The following ASH1L variants were observed in gnomAD, a reference collection of about 807,000 sequenced individuals.
The protein encoded by ASH1L is histone-lysine N-methyltransferase ASH1L.
ASH1L carries 23 observed loss-of-function variants against 269.0 expected under a neutral mutation model. The observed-to-expected ratio is 0.09, with a 90% confidence interval of 0.06 to 0.12. ASH1L has a LOEUF of 0.12. Ranked by LOEUF, ASH1L falls within the 10% of genes least tolerant of loss-of-function variation. The pLI, the probability that ASH1L is intolerant of heterozygous loss-of-function variation, is 1.00. For missense variants in ASH1L, 2,912 were observed against 3,567.8 expected, an observed-to-expected ratio of 0.82 and a Z score of 4.68; for synonymous variants, 1,187 against 1,253.5, an observed-to-expected ratio of 0.95 and a Z score of 1.12.
chr1:155,527,077 G>A (rs551432112), intron 1 of ASH1L, among the ~76,000 whole-genome samples: 73 of 152,084 alleles, frequency 4.8e-4, no homozygotes, highest in African/African-American at 1.6e-3. Flanking sequence ...GTGTGGTGGC[G>A]CATGCCTGTA....
intron 2 of ASH1L, among the ~76,000 whole-genome samples, chr1:155,515,347 A>G (rs1414090656): frequency 6.6e-6 from 1 of 152,208 alleles, no homozygotes; most frequent in Non-Finnish European, 1.5e-5. Context: ...AATTTTTTGC[A>G]GGGAAACAGC....
chr1:155,556,797 C>T (rs1671626121), intron 1 of ASH1L, among the ~76,000 whole-genome samples: 1 of 152,090 alleles, frequency 6.6e-6, no homozygotes, highest in African/African-American at 2.4e-5. Context: ...GCCTATAATT[C>T]CAGCAATTTG....
rs1233466702 is a variant in ASH1L at position 155,349,415 on chromosome 1, A to G, written c.7466T>C (p.Ile2489Thr). ...YEKISDPLDL[I>T]TIEKQILTGY... ...AGTGAGGATCTGCTTCTCTATGGTG[A>G]TAAGATCTAGGGGATCAGAGATCTT... Residue 2489 changes from isoleucine to threonine, a missense_variant, in exon 19 of 28, where the codon ATC (isoleucine) becomes ACC (threonine). Physicochemically the swap from Ile to Thr is moderately conservative, Grantham distance 89. Coordinates refer to ENST00000392403, the MANE Select transcript of ASH1L (RefSeq NM_018489.3). The G allele has an allele frequency of 1.9e-6, 3 of 1,614,212 alleles. No individual in the cohort carries two copies. The highest frequency in any genetic ancestry group is 2.2e-5 in the East Asian group (1 of 44,888).
chr1:155,439,507 AAGGAACAT>A (rs1662371953), intron 4 of ASH1L, among the ~76,000 whole-genome samples: 1 of 152,082 alleles, frequency 6.6e-6, no homozygotes, highest in South Asian at 2.1e-4. Context: ...AGATCAACCT[AAGGAACAT>A]AGCAAGAAGA....
chr1:155,489,835 T>TAAATAAATA (rs894162203), intron 2 of ASH1L, among the ~76,000 whole-genome samples: 51 of 150,740 alleles, frequency 3.4e-4, no homozygotes, highest in African/African-American at 1.1e-3. Flanking sequence ...AATAAATAAA[T>TAAATAAATA]AACAATATGG....
chr1:155,357,498 C>A, intron 14 of ASH1L, 87 bp downstream of exon 14: 1 of 1,595,544 alleles, frequency 6.3e-7, no homozygotes. Flanking sequence ...CTTAAGATGC[C>A]ACCCTCTGGT....
chr1:155,446,837 T>G (rs1252618712), intron 4 of ASH1L, among the ~76,000 whole-genome samples: 4 of 151,012 alleles, frequency 2.6e-5, no homozygotes, highest in Non-Finnish European at 5.9e-5. Flanking sequence ...GATCCTGACC[T>G]CGTGATCCGC....
At chr1:155,401,632 C>T (rs1463914312) in intron 6 of ASH1L, among the ~76,000 whole-genome samples, 1 of 151,400 alleles carries the variant, frequency 6.6e-6, no homozygotes, top group African/African-American at 2.4e-5. Context: ...ACTAAAAATA[C>T]AAAAAATTAG....
intron 7 of ASH1L, among the ~76,000 whole-genome samples, chr1:155,391,975 T>TA (rs1657965419): frequency 1.3e-5 from 2 of 151,904 alleles, no homozygotes; most frequent in South Asian, 4.2e-4. Context: ...GAAATAAAAA[T>TA]AAAAAAATAA....
At chr1:155,415,963 A>T in intron 5 of ASH1L, 40 bp from the exon 6 acceptor site, 1 of 1,445,624 alleles carries the variant, frequency 6.9e-7, no homozygotes, top group Non-Finnish European at 9.2e-7. Context: ...TTATGAAAAA[A>T]AAGTTTTCCT....
intron 1 of ASH1L, among the ~76,000 whole-genome samples, chr1:155,522,686 ATT>A (rs34562141): frequency 1.4e-4 from 20 of 141,134 alleles, no homozygotes; most frequent in East Asian, 2.0e-4. Context: ...AGATTAGTGA[ATT>A]TTTTTTTTTT....
rs1461319174 is a variant in ASH1L, at chr1:155,357,567, C to G, written c.6960+18G>C. 1.1e-5 allele frequency: 17 copies of G among 1,613,576 alleles called. No homozygotes were observed. Among genetic ancestry groups the G allele is most frequent in the Non-Finnish European group, 1.4e-5 (17 of 1,179,734 alleles). The stretch of plus-strand genomic sequence containing the variant: ...CTCATGAACAGCTTTTGGGGAAAGT[C>G]ATTAGATAATTATTCACCCTTTTCT... On this transcript the variant is annotated intron_variant, in intron 14 of 27. Transcript: ENST00000392403.
chr1:155,439,102 T>C (rs780546143), intron 4 of ASH1L, 34 bp from the exon 5 acceptor site: 50 of 1,559,696 alleles, frequency 3.2e-5, no homozygotes, highest in Non-Finnish European at 4.1e-5. Flanking sequence ...ATAGACAAAA[T>C]TGGACACGGC....
At chr1:155,529,585 C>T (rs1669519584) in intron 1 of ASH1L, among the ~76,000 whole-genome samples, 1 of 151,926 alleles carries the variant, frequency 6.6e-6, no homozygotes, top group South Asian at 2.1e-4. Context: ...GACATTAGAC[C>T]TTTGTCAGAT....
At chr1:155,407,260 T>C (rs1254414761) in intron 6 of ASH1L, among the ~76,000 whole-genome samples, 1 of 152,108 alleles carries the variant, frequency 6.6e-6, no homozygotes, top group East Asian at 1.9e-4. Flanking sequence ...ACCTATTAGA[T>C]TAATAAACAT....
chr1:155,368,602 G>A (rs1275255937), intron 12 of ASH1L, among the ~76,000 whole-genome samples: 5 of 151,876 alleles, frequency 3.3e-5, no homozygotes, highest in Admixed American at 2.6e-4. Context: ...GATTACAAGC[G>A]CCTACCACCA....
At chr1:155,448,449 C>T (rs1190589172) in intron 4 of ASH1L, among the ~76,000 whole-genome samples, 1 of 152,144 alleles carries the variant, frequency 6.6e-6, no homozygotes, top group Admixed American at 6.6e-5. Flanking sequence ...GCCTCAGTCA[C>T]GCAGGTAGCT....
chr1:155,439,665 G>T (rs141783811), intron 4 of ASH1L, among the ~76,000 whole-genome samples: 2,427 of 152,088 alleles, frequency 0.016, 35 homozygotes, highest in Middle Eastern at 0.034. Flanking sequence ...CTCTAATCAG[G>T]ACGACAGAGC....
chr1:155,347,356 G>A (rs1472186449), intron 20 of ASH1L, among the ~76,000 whole-genome samples: 1 of 152,112 alleles, frequency 6.6e-6, no homozygotes, highest in Non-Finnish European at 1.5e-5. Context: ...GCAGAGAGCT[G>A]AGATCGTGCC....
Sources: allele counts gnomAD v4.1 joint callset (sites outside exome capture counted in the v4.1 genomes callset), GRCh38; gene constraint gnomAD v4.1.1; transcripts MANE v1.5; gene names NCBI Gene and HGNC (gene_info 2026-07-23, HGNC 2026-07-21).